Variants in RBFOX1 observed in about 807,000 individuals in gnomAD.
The protein encoded by RBFOX1 is RNA binding fox-1 homolog 1, also known as RNA binding protein fox-1 homolog 1.
A neutral mutation model predicts 57.7 loss-of-function variants in RBFOX1; 8 were observed. That is an observed-to-expected ratio of 0.14 (90% CI 0.08 to 0.25). The LOEUF (loss-of-function observed/expected upper bound fraction) is 0.25, where lower values mean the gene tolerates loss of function less well. Among genes scored for constraint, RBFOX1 ranks in the 10% least tolerant of loss-of-function variants. The pLI, the probability that RBFOX1 is intolerant of heterozygous loss-of-function variation, is 1.00. For synonymous variants in RBFOX1, 326 were observed against 222.4 expected (o/e 1.47, Z -4.15); for missense variants, 611 against 548.5 (o/e 1.11, Z -1.14).
intron 4 of RBFOX1, among the ~76,000 whole-genome samples, chr16:5,928,397 A>G (rs553547519): frequency 1.2e-4 from 18 of 151,786 alleles, no homozygotes; most frequent in African/African-American, 4.1e-4. Context: ...ATAGATTTTA[A>G]ATGTTCTCGC....
chr16:5,856,205 ATACATATATATG>A (rs1354674591), intron 3 of RBFOX1, among the ~76,000 whole-genome samples: 2 of 43,268 alleles, frequency 4.6e-5, no homozygotes, highest in African/African-American at 1.5e-4. Flanking sequence ...ATATATATAT[ATACATATATATG>A]TATATATATA....
rs532563395 is a variant in RBFOX1 at position 7,089,410 on chromosome 16, A to T, written c.27+37312A>T. On this transcript the variant is annotated intron_variant, in intron 4 of 15. Coordinates refer to ENST00000550418, the MANE Select transcript of RBFOX1 (RefSeq NM_018723.4). ...ACAAATGCTGATTTTTAAGCATTAA[A>T]AAAAAGTAGTCACGTGGGATTGTCG... 4.8e-5 allele frequency among the ~76,000 whole-genome samples: 5 copies of T among 105,022 alleles called. No homozygotes were observed. The South Asian group carries it at 1.0e-3, about 22-fold the overall frequency. The allele number at this position is 105,022 out of a possible 152,430, so 68.9% of individuals were successfully genotyped here.
At chr16:7,069,518 G>T (rs1158033369) in intron 4 of RBFOX1, among the ~76,000 whole-genome samples, 1 of 152,140 alleles carries the variant, frequency 6.6e-6, no homozygotes, top group Non-Finnish European at 1.5e-5. Context: ...CCTTGCAAAA[G>T]ACATGATAGT....
chr16:6,140,151 C>T lies in RBFOX1; in HGVS notation c.-127+120159C>T, dbSNP rs569837504. Reference sequence around the variant, plus strand: ...GTTAAGATACTACTGTCTGATAATTCGTAAACTTCTAAGGTTTTTTTTCCA... The same window carrying T: ...GTTAAGATACTACTGTCTGATAATTTGTAAACTTCTAAGGTTTTTTTTCCA... On this transcript the variant is annotated intron_variant, in intron 1 of 15. Transcript: ENST00000550418. Among the ~76,000 whole-genome samples, 5 of 150,708 alleles carry T rather than the reference C, an allele frequency of 3.3e-5. No individual in the cohort carries two copies. In the South Asian group the frequency reaches 6.3e-4, roughly 19 times the overall value.
intron 3 of RBFOX1, among the ~76,000 whole-genome samples, chr16:5,664,489 A>G (rs184905757): frequency 5.3e-5 from 8 of 152,178 alleles, no homozygotes; most frequent in African/African-American, 1.4e-4. Context: ...GGAGGTTGCA[A>G]TGAACCGAGA....
rs150682824 is a variant in RBFOX1 at position 5,743,619 on chromosome 16, A to C, written c.319-123684A>C. Among the ~76,000 whole-genome samples the C allele has an allele frequency of 5.4e-3, 822 of 152,318 alleles. 8 individuals carry two copies. The highest frequency in any genetic ancestry group is 0.019 in the African/African-American group (772 of 41,566). On this transcript the variant is annotated intron_variant, in intron 3 of 19. Coordinates refer to the RBFOX1 transcript ENST00000641259. ...CCTGTTTGCTTGTTTTAATGTGGCTACTGGGAAATTAAAAAATCACACATG... is the reference window on the plus strand; with the variant it reads ...CCTGTTTGCTTGTTTTAATGTGGCTCCTGGGAAATTAAAAAATCACACATG...
chr16:7,327,390 G>T (rs1038390847), intron 4 of RBFOX1, among the ~76,000 whole-genome samples: 2 of 152,024 alleles, frequency 1.3e-5, no homozygotes, highest in African/African-American at 4.8e-5. Context: ...TATTATGAAG[G>T]GCCTCAGATG....
At chr16:6,845,356 G>A (rs1315244536) in intron 3 of RBFOX1, among the ~76,000 whole-genome samples, 1 of 150,880 alleles carries the variant, frequency 6.6e-6, no homozygotes, top group Non-Finnish European at 1.5e-5. Flanking sequence ...TAATTTTTGT[G>A]TATTGTGTAA....
intron 4 of RBFOX1, among the ~76,000 whole-genome samples, chr16:7,309,759 T>C (rs550594643): frequency 1.5e-3 from 221 of 152,260 alleles, no homozygotes; most frequent in African/African-American, 5.1e-3. Flanking sequence ...GGGAACGAAA[T>C]TGCAGCATTG....
chr16:6,035,453 A>C (rs2095353497), intron 1 of RBFOX1, among the ~76,000 whole-genome samples: 2 of 152,240 alleles, frequency 1.3e-5, no homozygotes, highest in African/African-American at 4.8e-5. Context: ...CTGCCCAACA[A>C]GACTTTGTCT....
At chr16:7,448,444 G>C (rs993874805) in intron 4 of RBFOX1, among the ~76,000 whole-genome samples, 2 of 152,100 alleles carry the variant, frequency 1.3e-5, no homozygotes, top group East Asian at 3.9e-4. Context: ...TTTACATGGC[G>C]GCAGGCAAGA....
intron 2 of RBFOX1, among the ~76,000 whole-genome samples, chr16:6,374,082 C>T (rs1046370768): frequency 2.0e-5 from 3 of 152,134 alleles, no homozygotes; most frequent in African/African-American, 4.8e-5. Context: ...AATATCTGCC[C>T]TATTTACCTT....
At chr16:5,573,773 G>A (rs1456659734) in intron 2 of RBFOX1, among the ~76,000 whole-genome samples, 2 of 151,998 alleles carry the variant, frequency 1.3e-5, no homozygotes, top group Non-Finnish European at 2.9e-5. Context: ...ACCAGCCTGG[G>A]CAACATGGCA....
chr16:6,327,624 C>G (rs1055263883), intron 2 of RBFOX1, among the ~76,000 whole-genome samples: 1 of 152,052 alleles, frequency 6.6e-6, no homozygotes, highest in Non-Finnish European at 1.5e-5. Context: ...CAAATAGAAT[C>G]TATACCTTCA....
chr16:6,366,626 G>T (rs1016947644), intron 2 of RBFOX1, among the ~76,000 whole-genome samples: 1 of 152,210 alleles, frequency 6.6e-6, no homozygotes, highest in Non-Finnish European at 1.5e-5. Context: ...TACTTACCAT[G>T]TGCCAGGTTC....
At chr16:7,219,110 C>A (rs1489522481) in intron 4 of RBFOX1, among the ~76,000 whole-genome samples, 1 of 152,168 alleles carries the variant, frequency 6.6e-6, no homozygotes, top group Non-Finnish European at 1.5e-5. Flanking sequence ...TCATTGCAGG[C>A]AGCTGAGCTG....
At chr16:5,820,752 G>C (rs373557189) in intron 3 of RBFOX1, among the ~76,000 whole-genome samples, 3 of 152,170 alleles carry the variant, frequency 2.0e-5, no homozygotes, top group African/African-American at 4.8e-5. Context: ...TCTGTCTCCT[G>C]TGCTCTCCCA....
At chr16:6,714,989 A>C (rs528162760) in intron 3 of RBFOX1, among the ~76,000 whole-genome samples, 13 of 152,292 alleles carry the variant, frequency 8.5e-5, no homozygotes, top group African/African-American at 2.6e-4. Context: ...GAAGATGGGT[A>C]AGGTGGTCAC....
intron 1 of RBFOX1, among the ~76,000 whole-genome samples, chr16:6,181,670 C>G (rs142407179): frequency 6.6e-6 from 1 of 152,110 alleles, no homozygotes; most frequent in Non-Finnish European, 1.5e-5. Flanking sequence ...AGAAGTCTTA[C>G]GTGAAGCCAT....
Sources: allele counts gnomAD v4.1 joint callset (sites outside exome capture counted in the v4.1 genomes callset), GRCh38; gene constraint gnomAD v4.1.1; transcripts MANE v1.5; gene names NCBI Gene and HGNC (gene_info 2026-07-23, HGNC 2026-07-21).